The following PCDH7 variants were observed in gnomAD, a reference collection of about 807,000 sequenced individuals.
The protein encoded by PCDH7 is protocadherin-7.
Under a neutral mutation model 58.9 loss-of-function variants are expected in PCDH7, and 17 were observed. The observed-to-expected ratio is 0.29, with a 90% CI of 0.20 to 0.43. PCDH7 has a LOEUF of 0.43. Among genes scored for constraint, PCDH7 ranks in the 20% least tolerant of loss-of-function variants. The pLI, the probability that PCDH7 is intolerant of heterozygous loss-of-function variation, is 1.00. For missense variants in PCDH7, 1,274 were observed against 1,441.0 expected (o/e 0.88, Z 1.88); for synonymous variants, 664 against 616.4 (o/e 1.08, Z -1.14).
chr4:30,986,865 C>A (rs1751014838), intron 3 of PCDH7, among the ~76,000 whole-genome samples: 1 of 151,750 alleles, frequency 6.6e-6, no homozygotes, highest in South Asian at 2.1e-4. Context: ...CCTGTAGTCC[C>A]AGCTACTCAG....
In PCDH7 at chr4:30,724,604, G is replaced by A. The variant is rs140432368; in HGVS notation, c.3174+8G>A. On this transcript the variant is annotated splice_region_variant and intron_variant, in intron 1 of 1. Transcript: ENST00000361762. ...AACAAGTACAGCAAACAGGTAAGAT[G>A]TATCCCAAATATATTTAAATATCCC... is the stretch of plus-strand genomic sequence containing the variant. 1,896 of 1,613,238 alleles carry A rather than the reference G, an allele frequency of 1.2e-3. 15 individuals are homozygous for A. The East Asian group carries it at 0.016, about 14-fold the overall frequency.
chr4:30,809,351 G>A (rs1216982720), intron 1 of PCDH7, among the ~76,000 whole-genome samples: 1 of 152,090 alleles, frequency 6.6e-6, no homozygotes, highest in African/African-American at 2.4e-5. Flanking sequence ...CCTGAAAAGA[G>A]GGAAAGGGAA....
intron 1 of PCDH7, among the ~76,000 whole-genome samples, chr4:30,824,711 G>T (rs1262023499): frequency 6.6e-6 from 1 of 152,172 alleles, no homozygotes; most frequent in South Asian, 2.1e-4. Context: ...TCAGGATTCT[G>T]TTGTGGTTGA....
At chr4:30,756,906 T>C (rs1242141010) in intron 1 of PCDH7, among the ~76,000 whole-genome samples, 1 of 152,240 alleles carries the variant, frequency 6.6e-6, no homozygotes, top group Admixed American at 6.5e-5. Flanking sequence ...TGTTTTTTGC[T>C]AAGTCTCCTC....
At chr4:30,944,830 A>G (rs1353854735) in intron 2 of PCDH7, among the ~76,000 whole-genome samples, 1 of 152,226 alleles carries the variant, frequency 6.6e-6, no homozygotes, top group Non-Finnish European at 1.5e-5. Flanking sequence ...GTCAACAGTT[A>G]ACTAGGTATC....
chr4:30,924,357 C>T (rs546770683), intron 2 of PCDH7, among the ~76,000 whole-genome samples: 1 of 152,248 alleles, frequency 6.6e-6, no homozygotes, highest in East Asian at 1.9e-4. Context: ...TACTCGGTTC[C>T]AGGTCCAATA....
chr4:30,784,248 T>C (rs1198164876), intron 1 of PCDH7, among the ~76,000 whole-genome samples: 1 of 152,216 alleles, frequency 6.6e-6, no homozygotes, highest in African/African-American at 2.4e-5. Flanking sequence ...TAAGTAGTTG[T>C]GTATAAACTC....
At position 30,789,355 on chromosome 4, in the gene PCDH7, T is replaced by A. The variant is rs1195548472; in HGVS notation, c.70+64759T>A. 2.0e-5 allele frequency among the ~76,000 whole-genome samples: 3 copies of A among 152,178 alleles called. No homozygotes were observed. In the East Asian group the frequency reaches 5.8e-4, roughly 29 times the overall value. On this transcript the variant is annotated intron_variant, in intron 1 of 3. Transcript: ENST00000509759. ...ATTTCTGGACTTGGATCAGCCTGAT[T>A]GAGTTCAGAAGAGAAGGAAACACTA...
chr4:30,721,998 C>A lies in PCDH7; in HGVS notation c.576C>A (p.Gly192=), dbSNP rs1472633765. 1.6e-6 allele frequency: 2 copies of A among 1,276,388 alleles called. No individual in the cohort carries two copies. Among genetic ancestry groups the A allele is most frequent in the South Asian group, 2.7e-5 (1 of 37,238 alleles). The allele number at this position is 1,276,388 out of a possible 1,614,324, so 79.1% of individuals were successfully genotyped here. Reference sequence around the variant, plus strand: ...AGGAGCCCGGAGGCGGCGGCAGCGGCGGCGAGAGCCGGCGCGCCGGGGCGG... The same window carrying A: ...AGGAGCCCGGAGGCGGCGGCAGCGGAGGCGAGAGCCGGCGCGCCGGGGCGG... The change falls in exon 1 of 2, where the codon GGC becomes GGA. Residue 192 remains glycine (G), a synonymous_variant. Transcript: ENST00000361762. The surrounding 1 kb of genome is among the most constrained non-coding windows in gnomAD (Gnocchi z 6.7).
intron 1 of PCDH7, among the ~76,000 whole-genome samples, chr4:30,763,851 CATTA>C: frequency 6.6e-6 from 1 of 152,180 alleles, no homozygotes; most frequent in South Asian, 2.1e-4. Context: ...ACATTTTGAA[CATTA>C]ATTCACTGTG....
chr4:31,100,624 T>G (rs1714777805), intron 3 of PCDH7, among the ~76,000 whole-genome samples: 1 of 152,124 alleles, frequency 6.6e-6, no homozygotes, highest in African/African-American at 2.4e-5. Flanking sequence ...AAAACTAACT[T>G]GTACGGAAAT....
At chr4:30,819,943 G>A (rs1728169486) in intron 1 of PCDH7, among the ~76,000 whole-genome samples, 1 of 152,064 alleles carries the variant, frequency 6.6e-6, no homozygotes, top group African/African-American at 2.4e-5. Context: ...AACATGTCCT[G>A]CCTTGTAAGG....
At chr4:30,923,902 TAG>T (rs1743509435) in intron 2 of PCDH7, among the ~76,000 whole-genome samples, 1 of 152,116 alleles carries the variant, frequency 6.6e-6, no homozygotes, top group Non-Finnish European at 1.5e-5. Context: ...ATGGGGGAAA[TAG>T]GTAATACAAA....
intron 3 of PCDH7, among the ~76,000 whole-genome samples, chr4:31,059,419 A>G (rs539576643): frequency 6.6e-6 from 1 of 151,870 alleles, no homozygotes; most frequent in East Asian, 1.9e-4. Context: ...CCTCTTCAAC[A>G]CTCATTGAAA....
chr4:31,084,784 A>G (rs1578754359), intron 3 of PCDH7, among the ~76,000 whole-genome samples: 2 of 33,050 alleles, frequency 6.1e-5, no homozygotes, highest in Non-Finnish European at 1.1e-4. Context: ...GGGGGAGGGG[A>G]CGGGGGGAGG....
chr4:31,068,517 C>A (rs1335159082), intron 3 of PCDH7, among the ~76,000 whole-genome samples: 1 of 151,996 alleles, frequency 6.6e-6, no homozygotes, highest in Non-Finnish European at 1.5e-5. Context: ...ATTCAATAAT[C>A]TGACACTTCT....
At chr4:30,730,511 A>G (rs1715328394) in intron 1 of PCDH7, among the ~76,000 whole-genome samples, 1 of 152,142 alleles carries the variant, frequency 6.6e-6, no homozygotes, top group African/African-American at 2.4e-5. Context: ...TGATGTTTGT[A>G]TTGAACTCTA....
At chr4:30,930,381 C>T (rs1216889038) in intron 2 of PCDH7, among the ~76,000 whole-genome samples, 1 of 152,132 alleles carries the variant, frequency 6.6e-6, no homozygotes, top group Non-Finnish European at 1.5e-5. Context: ...ATATCCTGTA[C>T]TTAAGGTATC....
Position 30,722,627 on chromosome 4 carries a change from T to A in PCDH7, c.1205T>A (p.Val402Asp). The change falls in exon 1 of 2, where the codon GTC becomes GAC. Residue 402 changes from valine (V) to aspartate (D), a missense_variant. By Grantham distance (152) the Val-to-Asp change is radical. Transcript: ENST00000361762. This position sits in a 1 kb window ranked among gnomAD's most constrained non-coding sequence, Gnocchi z 7.6. ...CCCAAGACCGACAAGGCCACCGTGGTCCTTAACATCAAAGACGAGAACGAC... is the reference window on the plus strand; with the variant it reads ...CCCAAGACCGACAAGGCCACCGTGGACCTTAACATCAAAGACGAGAACGAC... 6.2e-7 allele frequency: 1 copy of A among 1,613,232 alleles called. No homozygotes were observed. The highest frequency in any genetic ancestry group is 8.5e-7 in the Non-Finnish European group (1 of 1,180,008).
Sources: allele counts gnomAD v4.1 joint callset (sites outside exome capture counted in the v4.1 genomes callset), GRCh38; gene constraint gnomAD v4.1.1; non-coding constraint Gnocchi (gnomAD v3.1); transcripts MANE v1.5; gene names NCBI Gene and HGNC (gene_info 2026-07-23, HGNC 2026-07-21).